PLA2G4C: variants seen among roughly 807,000 people sequenced by gnomAD.
PLA2G4C encodes cytosolic phospholipase A2 gamma.
A neutral mutation model predicts 73.8 loss-of-function variants in PLA2G4C; 64 were observed. The ratio of observed to expected loss-of-function variants is 0.87; its 90% CI spans 0.71 to 1.07. The LOEUF (loss-of-function observed/expected upper bound fraction) is 1.07. PLA2G4C is among the 50% of genes least tolerant of loss of function. The pLI is 0.00. For missense variants in PLA2G4C, 622 were observed against 665.4 expected, an observed-to-expected ratio of 0.93 and a Z score of 0.72; for synonymous variants, 254 against 252.1, an observed-to-expected ratio of 1.01 and a Z score of -0.07.
chr19:48,093,579 G>T (rs1420577580), intron 7 of PLA2G4C, among the ~76,000 whole-genome samples: 1 of 152,136 alleles, frequency 6.6e-6, no homozygotes, highest in Non-Finnish European at 1.5e-5. Flanking sequence ...AACTTCATCT[G>T]TGTCCTTCAG....
At chr19:48,052,856 C>T (rs139389281) in intron 16 of PLA2G4C, 141 bp downstream of exon 16, 1 of 826,164 alleles carries the variant, frequency 1.2e-6, no homozygotes, top group South Asian at 1.9e-5. Flanking sequence ...CTGTCCCCTG[C>T]TGAGACGCAA....
chr19:48,079,305 A>G lies in PLA2G4C; in HGVS notation c.845-1481T>C, dbSNP rs1228980637. ...CCTATAGTTACCAAAACAGCACGGT[A>G]CTGGTATAAAATTAGGCATGTAGAA... is the stretch of plus-strand genomic sequence containing the variant. On this transcript the variant is annotated intron_variant, in intron 10 of 16. Transcript: ENST00000599921. 4.6e-5 allele frequency among the ~76,000 whole-genome samples: 7 copies of G among 152,340 alleles called. No individual in the cohort carries two copies. In the East Asian group the frequency reaches 9.6e-4, roughly 21 times the overall value.
At chr19:48,057,561 CT>C (rs1215041181) in intron 14 of PLA2G4C, among the ~76,000 whole-genome samples, 3 of 129,222 alleles carry the variant, frequency 2.3e-5, no homozygotes, top group Middle Eastern at 9.3e-3. Flanking sequence ...GGGATCTTGG[CT>C]CATTGCAACC....
At chr19:48,104,977 G>C (rs2032093789) in intron 3 of PLA2G4C, among the ~76,000 whole-genome samples, 1 of 151,170 alleles carries the variant, frequency 6.6e-6, no homozygotes, top group Non-Finnish European at 1.5e-5. Context: ...CAGCTGCTCA[G>C]CAGGCTGATG....
chr19:48,089,297 C>T (rs893165566), intron 8 of PLA2G4C, among the ~76,000 whole-genome samples: 6 of 152,004 alleles, frequency 3.9e-5, no homozygotes, highest in East Asian at 1.9e-4. Context: ...CACGGTGGTG[C>T]GCGCCTGTAG....
chr19:48,062,136 C>A lies in PLA2G4C; in HGVS notation c.1119G>T (p.Lys373Asn), dbSNP rs904785397. Residue 373 changes from lysine to asparagine, a missense_variant, in exon 14 of 17, where the codon AAG (lysine) becomes AAT (asparagine). Coordinates refer to ENST00000599921, the MANE Select transcript of PLA2G4C (RefSeq NM_003706.3). ...FLYKHGGIRDKIMSSRKHLHL... is the reference protein window; with the variant it reads ...FLYKHGGIRDNIMSSRKHLHL... ...GGAGGTGCTTCCGGCTGCTCATTAT[C>A]TTGTCCCGGATGCCACCTGTGGTGC... 2 of 1,586,238 alleles carry A rather than the reference C, an allele frequency of 1.3e-6. No homozygotes were observed. Among genetic ancestry groups the A allele is most frequent in the South Asian group, 1.2e-5 (1 of 86,450 alleles).
At position 48,062,079 on chromosome 19, in the gene PLA2G4C, A is replaced by G; in HGVS notation, c.1176T>C (p.Thr392=). The change falls in exon 14 of 17, where the codon ACT becomes ACC. Residue 392 remains threonine (T), a synonymous_variant. Transcript: ENST00000599921. ...HLVDAGLAIN[T]PFPLVLPPTR... is the part of the protein sequence containing the mutation. ...TCGGGGGCAGCACGAGTGGGAAGGGAGTGTTGATGGCTAAACCAGCATCCA... is the reference window on the plus strand; with the variant it reads ...TCGGGGGCAGCACGAGTGGGAAGGGGGTGTTGATGGCTAAACCAGCATCCA... The G allele has an allele frequency of 2.5e-6, 4 of 1,613,288 alleles. No individual in the cohort carries two copies. The highest frequency in any genetic ancestry group is 3.4e-6 in the Non-Finnish European group (4 of 1,179,622).
At chr19:48,091,334 C>T (rs1454324609) in intron 7 of PLA2G4C, among the ~76,000 whole-genome samples, 1 of 152,052 alleles carries the variant, frequency 6.6e-6, no homozygotes, top group African/African-American at 2.4e-5. Flanking sequence ...TACAGGCATG[C>T]ACCACCACGC....
At chr19:48,084,916 T>A in intron 10 of PLA2G4C, 143 bp downstream of exon 10, 1 of 648,982 alleles carries the variant, frequency 1.5e-6, no homozygotes, top group Non-Finnish European at 2.8e-6. Context: ...CAATGTTCAG[T>A]GTATGAGAAT....
intron 4 of PLA2G4C, chr19:48,104,359 G>A (rs997069446): frequency 8.9e-6 from 4 of 448,484 alleles, no homozygotes; most frequent in East Asian, 4.0e-5. Flanking sequence ...ATTGCAACTC[G>A]TGTCTGAAGT....
intron 16 of PLA2G4C, among the ~76,000 whole-genome samples, chr19:48,049,609 T>C (rs1450512565): frequency 6.6e-6 from 1 of 152,124 alleles, no homozygotes; most frequent in Non-Finnish European, 1.5e-5. Flanking sequence ...CAGGAAATGT[T>C]TGTGGAATCA....
intron 10 of PLA2G4C, among the ~76,000 whole-genome samples, chr19:48,081,813 G>A (rs957999790): frequency 7.3e-6 from 1 of 137,240 alleles, no homozygotes; most frequent in East Asian, 2.2e-4. Flanking sequence ...AGGTGTGGTG[G>A]CTCATGCCTG....
intron 16 of PLA2G4C, chr19:48,051,911 GCT>G (rs2122418269): frequency 8.2e-6 from 1 of 122,398 alleles, no homozygotes; most frequent in African/African-American, 3.3e-5. Flanking sequence ...GCAAGGTCTT[GCT>G]CTGTCGCCCA....
intron 10 of PLA2G4C, among the ~76,000 whole-genome samples, chr19:48,079,040 G>T (rs2122567961): frequency 6.6e-6 from 1 of 152,118 alleles, no homozygotes; most frequent in South Asian, 2.1e-4. Context: ...GCTAATTTTT[G>T]TATTTGTAGT....
chr19:48,054,399 GT>G (rs1967850220), intron 15 of PLA2G4C, among the ~76,000 whole-genome samples: 1 of 151,962 alleles, frequency 6.6e-6, no homozygotes, highest in Non-Finnish European at 1.5e-5. Context: ...CGCCTCCCAG[GT>G]TCAAGCGATT....
Sources: gnomAD v4.1 joint callset for allele counts (sites outside exome capture counted in the v4.1 genomes callset) on GRCh38, gnomAD v4.1.1 for gene constraint, MANE v1.5 for transcripts, NCBI Gene and HGNC (gene_info 2026-07-23, HGNC 2026-07-21) for gene names.